Variants in SEC63 observed in about 807,000 individuals in gnomAD.
SEC63 encodes SEC63 protein translocation regulator, also known as translocation protein SEC63 homolog.
A neutral mutation model predicts 116.2 loss-of-function variants in SEC63; 56 were observed. The observed-to-expected ratio is 0.48, with a 90% confidence interval of 0.39 to 0.60. The LOEUF is 0.60. Ranked by LOEUF, SEC63 falls within the 20% of genes least tolerant of loss-of-function variation. The pLI is 0.00. For synonymous variants in SEC63, 273 were observed against 294.6 expected, an observed-to-expected ratio of 0.93 and a Z score of 0.75; for missense variants, 668 against 900.0, an observed-to-expected ratio of 0.74 and a Z score of 3.30.
intron 13 of SEC63, among the ~76,000 whole-genome samples, chr6:107,898,195 G>A (rs573485601): frequency 2.6e-5 from 4 of 151,846 alleles, no homozygotes; most frequent in African/African-American, 7.2e-5. Flanking sequence ...CCTGGGAGCC[G>A]GAGGTTGCAG....
At chr6:107,876,449 A>C (rs1786268508) in intron 19 of SEC63, 115 bp downstream of exon 19, 2 of 725,912 alleles carry the variant, frequency 2.8e-6, no homozygotes, top group Non-Finnish European at 2.5e-6. Flanking sequence ...GCAGGCAACG[A>C]ATAGAATACA....
In SEC63 at chr6:107,956,190, T is replaced by C. The variant is rs892315621; in HGVS notation, c.124+1696A>G. On this transcript the variant is annotated intron_variant, in intron 1 of 20. Coordinates refer to ENST00000369002, the MANE Select transcript of SEC63 (RefSeq NM_007214.5). Reference sequence around the variant, plus strand: ...TAATTTCTGAAATCAGGGCAGTTTCTCAAAACACTTTTTTTTATACCTTTG... The same window carrying C: ...TAATTTCTGAAATCAGGGCAGTTTCCCAAAACACTTTTTTTTATACCTTTG... 10 of 186,616 alleles carry C rather than the reference T, an allele frequency of 5.4e-5. No individual in the cohort carries two copies. The East Asian group carries it at 1.7e-3, about 33-fold the overall frequency. 11.6% of individuals were successfully genotyped at this position (186,616 alleles called of 1,614,324 possible).
chr6:107,935,046 C>G (rs540848325), intron 1 of SEC63, among the ~76,000 whole-genome samples: 33 of 135,674 alleles, frequency 2.4e-4, no homozygotes, highest in African/African-American at 8.3e-4. Flanking sequence ...TGAGGGGCGC[C>G]TCTGCCCAGC....
At chr6:107,912,036 C>A (rs891301864) in intron 6 of SEC63, among the ~76,000 whole-genome samples, 1 of 152,204 alleles carries the variant, frequency 6.6e-6, no homozygotes, top group South Asian at 2.1e-4. Context: ...CTGTATACCC[C>A]CTCAAGGTAA....
At chr6:107,911,528 T>C in intron 6 of SEC63, 132 bp from the exon 7 acceptor site, 1 of 703,110 alleles carries the variant, frequency 1.4e-6, no homozygotes, top group South Asian at 1.6e-5. Flanking sequence ...TGTTTAATCC[T>C]TATTCTCAAA....
At position 107,876,127 on chromosome 6, in the gene SEC63, T is replaced by A. The variant is rs114978022; in HGVS notation, c.2034+437A>T. On this transcript the variant is annotated intron_variant, in intron 19 of 20. Coordinates refer to ENST00000369002, the MANE Select transcript of SEC63 (RefSeq NM_007214.5). ...CCAAGGGTAAATATGTTCATCACAA[T>A]GCTGCTTTACTGATGTCATTAACAG... 6.4e-3 allele frequency among the ~76,000 whole-genome samples: 972 copies of A among 152,272 alleles called. 16 individuals are homozygous for A. Among genetic ancestry groups the A allele is most frequent in the African/African-American group, 0.023 (938 of 41,566 alleles).
intron 4 of SEC63, among the ~76,000 whole-genome samples, chr6:107,916,781 T>C (rs1189492074): frequency 6.6e-6 from 1 of 152,224 alleles, no homozygotes; most frequent in Non-Finnish European, 1.5e-5. Context: ...AAACTGCACC[T>C]GCAGAAGAAA....
intron 7 of SEC63, among the ~76,000 whole-genome samples, chr6:107,910,447 C>T (rs998693531): frequency 6.6e-6 from 1 of 152,014 alleles, no homozygotes; most frequent in Non-Finnish European, 1.5e-5. Context: ...TACAGCAAGA[C>T]CTTGTCTCAA....
At chr6:107,911,226 T>C in intron 7 of SEC63, 120 bp downstream of exon 7, 1 of 767,578 alleles carries the variant, frequency 1.3e-6, no homozygotes, top group Non-Finnish European at 2.2e-6. Flanking sequence ...GTGGCAAGAC[T>C]CTTAAATTCA....
chr6:107,897,044 G>A lies in SEC63; in HGVS notation c.1440+605C>T, dbSNP rs145610956. 5.5e-3 allele frequency among the ~76,000 whole-genome samples: 828 copies of A among 151,372 alleles called. 10 individuals are homozygous for A. The highest frequency in any genetic ancestry group is 0.013 in the African/African-American group (547 of 41,282). Reference sequence around the variant, plus strand: ...AGAAGGGAAGGAGGGAGGGAGGGAAGGAAGGAAGGAAATGGGAGAGAGAAG... The same window carrying A: ...AGAAGGGAAGGAGGGAGGGAGGGAAAGAAGGAAGGAAATGGGAGAGAGAAG... On this transcript the variant is annotated intron_variant, in intron 14 of 20. Transcript: ENST00000369002.
intron 16 of SEC63, among the ~76,000 whole-genome samples, chr6:107,890,171 T>TAA (rs202187383): frequency 6.6e-6 from 1 of 152,112 alleles, no homozygotes; most frequent in Non-Finnish European, 1.5e-5. Flanking sequence ...AGTGGGGTGT[T>TAA]AAAGTCTCCC....
Position 107,876,676 on chromosome 6 carries a change from A to G in SEC63, c.1936-14T>C. 6.8e-7 allele frequency: 1 copy of G among 1,464,240 alleles called. No homozygotes were observed. Among genetic ancestry groups the G allele is most frequent in the South Asian group, 1.2e-5 (1 of 85,162 alleles). 90.7% of individuals were successfully genotyped at this position (1,464,240 alleles called of 1,614,324 possible). ...TTCTTGTTTTTCCTGGAAACAAAAAAAAAAAAAAAAAAAGAAGAGGGGTAT... is the reference window on the plus strand; with the variant it reads ...TTCTTGTTTTTCCTGGAAACAAAAAGAAAAAAAAAAAAAGAAGAGGGGTAT... On this transcript the variant is annotated splice_polypyrimidine_tract_variant and intron_variant, in intron 18 of 20. Coordinates refer to ENST00000369002, the MANE Select transcript of SEC63 (RefSeq NM_007214.5).
intron 4 of SEC63, among the ~76,000 whole-genome samples, chr6:107,918,361 CA>C (rs1181961733): frequency 6.6e-6 from 1 of 152,160 alleles, no homozygotes; most frequent in East Asian, 1.9e-4. Flanking sequence ...CCTGCTAACA[CA>C]ACATTCATTC....
intron 14 of SEC63, 112 bp downstream of exon 14, chr6:107,897,537 G>A (rs1786885851): frequency 2.6e-6 from 2 of 776,812 alleles, no homozygotes; most frequent in African/African-American, 1.7e-5. Flanking sequence ...AACAGAATTT[G>A]CAAAATTAGA....
intron 13 of SEC63, among the ~76,000 whole-genome samples, chr6:107,898,236 G>A (rs1786911737): frequency 6.8e-6 from 1 of 146,078 alleles, no homozygotes; most frequent in Non-Finnish European, 1.5e-5. Flanking sequence ...GCACTTCAGG[G>A]CAAGAGTGAG....
chr6:107,873,596 A>G (rs2114389138), intron 19 of SEC63, among the ~76,000 whole-genome samples: 1 of 151,124 alleles, frequency 6.6e-6, no homozygotes, highest in South Asian at 2.1e-4. Flanking sequence ...AATTAATCTC[A>G]GTTTGGCCTA....
chr6:107,907,608 T>G (rs550979077), intron 8 of SEC63, among the ~76,000 whole-genome samples: 1 of 152,252 alleles, frequency 6.6e-6, no homozygotes, highest in East Asian at 1.9e-4. Context: ...TGTAATGTAC[T>G]CACAAAAGGC....
rs1466675343 is a variant in SEC63, at chr6:107,902,736, T to C, written c.1209+108A>G. 2.8e-6 allele frequency: 3 copies of C among 1,064,940 alleles called. No individual in the cohort carries two copies. The African/African-American group carries it at 4.7e-5, about 17-fold the overall frequency. 66.0% of individuals were successfully genotyped at this position (1,064,940 alleles called of 1,614,324 possible). ...AAGTTTTAGAGTATTTAAGACATTC[T>C]AAATCTAAAAAATGCATAGTAACCA... On this transcript the variant is annotated intron_variant, in intron 12 of 20. Coordinates refer to ENST00000369002, the MANE Select transcript of SEC63 (RefSeq NM_007214.5).
rs182955524 is a variant in SEC63 at position 107,914,684 on chromosome 6, T to C, written c.453-1257A>G. Among the ~76,000 whole-genome samples the C allele has an allele frequency of 1.4e-3, 219 of 152,276 alleles. 2 individuals are homozygous for C. Among genetic ancestry groups the C allele is most frequent in the Middle Eastern group, 3.4e-3 (1 of 294 alleles). ...TTTTCTTTTCAAAATTGAGGGATGT[T>C]TCTCAAAAATTTTGTCCTAGATCCC... On this transcript the variant is annotated intron_variant, in intron 4 of 20. Coordinates refer to ENST00000369002, the MANE Select transcript of SEC63 (RefSeq NM_007214.5).
Sources: allele counts gnomAD v4.1 joint callset (sites outside exome capture counted in the v4.1 genomes callset), GRCh38; gene constraint gnomAD v4.1.1; transcripts MANE v1.5; gene names NCBI Gene and HGNC (gene_info 2026-07-23, HGNC 2026-07-21).